SLC24A2: variants seen among roughly 807,000 people sequenced by gnomAD.
SLC24A2 encodes solute carrier family 24 member 2.
Under a neutral mutation model 62.0 loss-of-function variants are expected in SLC24A2, and 36 were observed. That is an observed-to-expected ratio of 0.58 (90% CI 0.44 to 0.77). SLC24A2 has a LOEUF of 0.77. Among genes scored for constraint, SLC24A2 ranks in the 30% least tolerant of loss-of-function variants. SLC24A2 has a pLI of 0.00. For missense variants in SLC24A2, 846 were observed against 817.9 expected (o/e 1.03, Z -0.42); for synonymous variants, 358 against 294.0 (o/e 1.22, Z -2.23).
intron 4 of SLC24A2, among the ~76,000 whole-genome samples, chr9:19,606,382 T>C (rs1836984881): frequency 6.6e-6 from 1 of 152,182 alleles, no homozygotes; most frequent in African/African-American, 2.4e-5. Flanking sequence ...TCACTATTGG[T>C]GTTTTGGGCT....
intron 8 of SLC24A2, among the ~76,000 whole-genome samples, chr9:19,533,100 G>C (rs910796624): frequency 6.6e-6 from 1 of 152,156 alleles, no homozygotes; most frequent in African/African-American, 2.4e-5. Flanking sequence ...CATACAATTT[G>C]CATATAAATG....
the SLC24A2 span, among the ~76,000 whole-genome samples, chr9:19,834,848 G>A: frequency 1.4e-4 from 21 of 152,286 alleles, 1 homozygote; most frequent in South Asian, 2.9e-3. Context: ...ACCCACAAAC[G>A]GAAGCCCATC....
the SLC24A2 span, among the ~76,000 whole-genome samples, chr9:19,911,152 G>C: frequency 6.9e-6 from 1 of 144,144 alleles, no homozygotes; most frequent in African/African-American, 2.6e-5. Flanking sequence ...CCACCTATGA[G>C]TGAGAACATG....
chr9:19,560,412 C>A (rs1396050130), intron 7 of SLC24A2, among the ~76,000 whole-genome samples: 1 of 151,694 alleles, frequency 6.6e-6, no homozygotes, highest in Non-Finnish European at 1.5e-5. Flanking sequence ...AAGGGTGGGG[C>A]CCTGATCCAA....
the SLC24A2 span, among the ~76,000 whole-genome samples, chr9:20,270,781 G>A: frequency 6.6e-6 from 1 of 152,148 alleles, no homozygotes; most frequent in African/African-American, 2.4e-5. Context: ...GTGGAACTTT[G>A]CATAAATTTA....
chr9:20,041,486 C>T, the SLC24A2 span, among the ~76,000 whole-genome samples: 1 of 152,254 alleles, frequency 6.6e-6, no homozygotes, highest in African/African-American at 2.4e-5. Context: ...GGGATAAACA[C>T]AGCCAGGCTT....
rs1286427116 is a variant in SLC24A2, at chr9:19,620,679, G to C, written c.970-987C>G. Among the ~76,000 whole-genome samples the C allele has an allele frequency of 3.9e-5, 6 of 152,122 alleles. No homozygotes were observed. The East Asian group carries it at 7.7e-4, about 20-fold the overall frequency. On this transcript the variant is annotated intron_variant, in intron 3 of 10. Coordinates refer to ENST00000341998, the MANE Select transcript of SLC24A2 (RefSeq NM_020344.4). ...TGAATAGGAACTGCTGTCTCCCCGT[G>C]GTTGATTTTGTGTTGATCATCACAA...
Position 19,568,401 on chromosome 9 carries a change from C to T in SLC24A2, c.1347+4950G>A, listed in dbSNP as rs16937610. On this transcript the variant is annotated intron_variant, in intron 7 of 10. Coordinates refer to ENST00000341998, the MANE Select transcript of SLC24A2 (RefSeq NM_020344.4). The stretch of plus-strand genomic sequence containing the variant: ...AAATCCAGCCTTGCCGTTCATACTG[C>T]AGCTCATACATGGTCTACCAATAGA... Among the ~76,000 whole-genome samples, 954 of 152,328 alleles carry T rather than the reference C, an allele frequency of 6.3e-3. 12 individuals are homozygous for T. Among genetic ancestry groups the T allele is most frequent in the African/African-American group, 0.022 (910 of 41,582 alleles).
the SLC24A2 span, among the ~76,000 whole-genome samples, chr9:20,253,326 C>G: frequency 6.6e-6 from 1 of 152,220 alleles, no homozygotes; most frequent in African/African-American, 2.4e-5. Context: ...TTTATCAAAG[C>G]ATTCATGAAT....
chr9:19,804,521 G>T, the SLC24A2 span, among the ~76,000 whole-genome samples: 1 of 152,162 alleles, frequency 6.6e-6, no homozygotes, highest in East Asian at 1.9e-4. Context: ...TGCTGAACCT[G>T]TTTATTCATT....
the SLC24A2 span, among the ~76,000 whole-genome samples, chr9:20,072,243 C>G: frequency 6.6e-6 from 1 of 152,086 alleles, no homozygotes; most frequent in Non-Finnish European, 1.5e-5. Context: ...CTGTTTAGAT[C>G]CTTCTTGGTC....
At chr9:19,519,190 A>G (rs1833075230) in intron 10 of SLC24A2, among the ~76,000 whole-genome samples, 1 of 152,224 alleles carries the variant, frequency 6.6e-6, no homozygotes, top group South Asian at 2.1e-4. Flanking sequence ...TATGCCAGGC[A>G]TAGATTGCTT....
chr9:19,727,745 A>G (rs905477397), intron 2 of SLC24A2, among the ~76,000 whole-genome samples: 2 of 152,230 alleles, frequency 1.3e-5, no homozygotes, highest in Non-Finnish European at 2.9e-5. Flanking sequence ...AAGACTCTGA[A>G]AAAATATCCT....
chr9:19,684,756 T>C (rs1819829848), intron 2 of SLC24A2, among the ~76,000 whole-genome samples: 1 of 151,896 alleles, frequency 6.6e-6, no homozygotes, highest in Admixed American at 6.6e-5. Context: ...TCATATCTGG[T>C]TCTTGGTTGG....
the SLC24A2 span, among the ~76,000 whole-genome samples, chr9:20,284,759 A>G: frequency 6.6e-6 from 1 of 152,286 alleles, no homozygotes; most frequent in East Asian, 1.9e-4. Flanking sequence ...CCAGATGAAA[A>G]GCCTAGTAGG....
chr9:19,744,892 A>G (rs1246017038), intron 2 of SLC24A2, among the ~76,000 whole-genome samples: 2 of 152,164 alleles, frequency 1.3e-5, no homozygotes, highest in Admixed American at 6.6e-5. Context: ...CTCCTTATCC[A>G]ACTTCAATAT....
rs1390454908 is a variant in SLC24A2, at chr9:19,595,842, T to G, written c.1129+1387A>C. ...ACAGGTCAGGTGGATGCTAACAAAC[T>G]CCCCCTCCTAAGCCAAGAATAAAAT... On this transcript the variant is annotated intron_variant, in intron 5 of 10. Transcript: ENST00000341998. Among the ~76,000 whole-genome samples the G allele has an allele frequency of 2.0e-5, 3 of 152,056 alleles. No individual in the cohort carries two copies. In the East Asian group the frequency reaches 5.8e-4, roughly 29 times the overall value.
chr9:19,785,893 C>A (rs1823149110), intron 2 of SLC24A2, 44 bp downstream of exon 2: 1 of 1,613,604 alleles, frequency 6.2e-7, no homozygotes, highest in African/African-American at 1.3e-5. Flanking sequence ...TAATTCAGAA[C>A]CGTAGTCAAG....
chr9:19,971,288 A>G, the SLC24A2 span, among the ~76,000 whole-genome samples: 1 of 152,198 alleles, frequency 6.6e-6, no homozygotes, highest in Admixed American at 6.6e-5. Flanking sequence ...TTCCAGATGC[A>G]TGAGTAAAGA....
Sources: gnomAD v4.1 joint callset for allele counts (sites outside exome capture counted in the v4.1 genomes callset) on GRCh38, gnomAD v4.1.1 for gene constraint, MANE v1.5 for transcripts, NCBI Gene and HGNC (gene_info 2026-07-23, HGNC 2026-07-21) for gene names.